CDH18: variants seen among roughly 807,000 people sequenced by gnomAD.
The protein encoded by CDH18 is cadherin-18.
CDH18 carries 31 observed loss-of-function variants against 67.9 expected under a neutral mutation model. That is an observed-to-expected ratio of 0.46 (90% CI 0.34 to 0.62). CDH18 has a LOEUF of 0.62. CDH18 is among the 20% of genes least tolerant of loss of function. The pLI, the probability that CDH18 is intolerant of heterozygous loss-of-function variation, is 0.01. For synonymous variants in CDH18, 362 were observed against 347.2 expected, an observed-to-expected ratio of 1.04 and a Z score of -0.48; for missense variants, 890 against 975.5, an observed-to-expected ratio of 0.91 and a Z score of 1.17.
intron 5 of CDH18, among the ~76,000 whole-genome samples, chr5:19,630,932 A>C (rs2150179848): frequency 6.6e-6 from 1 of 152,222 alleles, no homozygotes; most frequent in Middle Eastern, 3.4e-3. Flanking sequence ...GCATTGATTT[A>C]GTTATATAGA....
intron 2 of CDH18, among the ~76,000 whole-genome samples, chr5:20,003,192 C>T (rs1314469380): frequency 6.6e-6 from 1 of 151,996 alleles, no homozygotes; most frequent in Non-Finnish European, 1.5e-5. Flanking sequence ...AATGCTTTGG[C>T]CCAGTTTAGA....
intron 2 of CDH18, among the ~76,000 whole-genome samples, chr5:20,251,541 T>A (rs1324873040): frequency 3.3e-5 from 5 of 152,242 alleles, no homozygotes; most frequent in Admixed American, 6.5e-5. Context: ...AATAGGGATA[T>A]GTTCTGAGCC....
intron 9 of CDH18, among the ~76,000 whole-genome samples, chr5:19,521,919 T>G (rs1746963860): frequency 6.6e-6 from 1 of 152,042 alleles, no homozygotes; most frequent in Admixed American, 6.6e-5. Context: ...ATTTATTTAT[T>G]TATTTTGCTT....
intron 9 of CDH18, among the ~76,000 whole-genome samples, chr5:19,522,396 A>T (rs1747042790): frequency 6.6e-6 from 1 of 152,154 alleles, no homozygotes; most frequent in South Asian, 2.1e-4. Flanking sequence ...AATTTCATTA[A>T]AAAAGATATA....
intron 1 of CDH18, among the ~76,000 whole-genome samples, chr5:20,286,448 A>T (rs1260934260): frequency 6.6e-6 from 1 of 151,672 alleles, no homozygotes; most frequent in Non-Finnish European, 1.5e-5. Context: ...AATTTAAATT[A>T]CCATCATGCA....
At chr5:20,235,950 A>G (rs545486649) in intron 2 of CDH18, among the ~76,000 whole-genome samples, 3 of 152,306 alleles carry the variant, frequency 2.0e-5, no homozygotes, top group Non-Finnish European at 1.5e-5. Flanking sequence ...CCTTCACAGC[A>G]ACATGGATGC....
chr5:19,702,749 C>T (rs539513095), intron 5 of CDH18, among the ~76,000 whole-genome samples: 2 of 151,974 alleles, frequency 1.3e-5, no homozygotes, highest in Non-Finnish European at 2.9e-5. Flanking sequence ...CATAAGCAGG[C>T]CCCAAAACTG....
chr5:20,109,138 G>C (rs1747236935), intron 2 of CDH18, among the ~76,000 whole-genome samples: 1 of 152,072 alleles, frequency 6.6e-6, no homozygotes, highest in African/African-American at 2.4e-5. Context: ...CATTTAGTTG[G>C]AATAAACAAT....
chr5:20,357,631 G>A (rs1741740395), intron 1 of CDH18, among the ~76,000 whole-genome samples: 1 of 152,064 alleles, frequency 6.6e-6, no homozygotes, highest in African/African-American at 2.4e-5. Flanking sequence ...AAGTCAGAAT[G>A]GCTTTTGATA....
At chr5:19,771,433 T>A (rs1451680812) in intron 3 of CDH18, among the ~76,000 whole-genome samples, 1 of 152,212 alleles carries the variant, frequency 6.6e-6, no homozygotes, top group Non-Finnish European at 1.5e-5. Flanking sequence ...AGAAAACTGA[T>A]GACTCCAGTC....
In CDH18 at chr5:20,241,905, T is replaced by TATATATATAA. The variant is rs369967608; in HGVS notation, c.-518+13538_-518+13539insTTATATATAT. Reference sequence around the variant, plus strand: ...ATATATATATATGTATATATATATATATATTGCTTAGTCAGAGGCACTGTG... The same window carrying TATATATATAA: ...ATATATATATATGTATATATATATATATATATATAAATATTGCTTAGTCAGAGGCACTGTG... On this transcript the variant is annotated intron_variant, in intron 2 of 14. Transcript: ENST00000507958. Among the ~76,000 whole-genome samples the TATATATATAA allele has an allele frequency of 9.1e-3, 1,290 of 141,458 alleles. 35 individuals are homozygous for TATATATATAA. The highest frequency in any genetic ancestry group is 0.034 in the African/African-American group (1,219 of 35,948). The allele number at this position is 141,458 out of a possible 152,430, so 92.8% of individuals were successfully genotyped here.
At chr5:19,794,894 T>G (rs1259681785) in intron 3 of CDH18, among the ~76,000 whole-genome samples, 1 of 151,962 alleles carries the variant, frequency 6.6e-6, no homozygotes, top group Non-Finnish European at 1.5e-5. Flanking sequence ...AAGGGACAAA[T>G]GTAAGTGATT....
At chr5:19,557,334 G>A (rs1738618210) in intron 8 of CDH18, among the ~76,000 whole-genome samples, 1 of 151,998 alleles carries the variant, frequency 6.6e-6, no homozygotes, top group Non-Finnish European at 1.5e-5. Context: ...GCACTTAAAA[G>A]ATACAGAATG....
intron 2 of CDH18, among the ~76,000 whole-genome samples, chr5:20,157,469 G>T: frequency 6.6e-6 from 1 of 152,090 alleles, no homozygotes; most frequent in African/African-American, 2.4e-5. Flanking sequence ...TATTTGTATA[G>T]ATTTATGGGG....
At chr5:20,465,208 G>A (rs11956407) in intron 1 of CDH18, among the ~76,000 whole-genome samples, 76,140 of 151,702 alleles carry the variant, frequency 0.5, 19,418 homozygotes, top group Non-Finnish European at 0.53. Context: ...TTAAGAGTAA[G>A]CAATGAAGAG....
chr5:20,430,481 C>T (rs527369158), intron 1 of CDH18, among the ~76,000 whole-genome samples: 1 of 152,012 alleles, frequency 6.6e-6, no homozygotes, highest in South Asian at 2.1e-4. Context: ...ATCAGTGGAG[C>T]ATCATGCTAT....
At position 20,232,252 on chromosome 5, in the gene CDH18, T is replaced by C. The variant is rs977596854; in HGVS notation, c.-518+23192A>G. On this transcript the variant is annotated intron_variant, in intron 2 of 14. Coordinates refer to the CDH18 transcript ENST00000507958. Reference sequence around the variant, plus strand: ...GAAGAAGGCAGTTTGTGGATTGAATTTGATAATTTTTCATGCTGTCACAAA... The same window carrying C: ...GAAGAAGGCAGTTTGTGGATTGAATCTGATAATTTTTCATGCTGTCACAAA... Among the ~76,000 whole-genome samples, 10 of 152,208 alleles carry C rather than the reference T, an allele frequency of 6.6e-5. No individual in the cohort carries two copies. In the East Asian group the frequency reaches 1.5e-3, roughly 24 times the overall value.
chr5:19,982,273 A>G (rs1229199187), intron 1 of CDH18, among the ~76,000 whole-genome samples: 6 of 152,146 alleles, frequency 3.9e-5, no homozygotes, highest in Non-Finnish European at 5.9e-5. Context: ...TACAACCAAA[A>G]TAGATTTTCA....
intron 2 of CDH18, among the ~76,000 whole-genome samples, chr5:20,083,570 CT>C (rs1408793378): frequency 6.6e-6 from 1 of 152,168 alleles, no homozygotes; most frequent in Non-Finnish European, 1.5e-5. Flanking sequence ...GTCCTTCCTT[CT>C]CCTCAGGCCC....
Sources: gnomAD v4.1 joint callset for allele counts (sites outside exome capture counted in the v4.1 genomes callset) on GRCh38, gnomAD v4.1.1 for gene constraint, MANE v1.5 for transcripts, NCBI Gene and HGNC (gene_info 2026-07-23, HGNC 2026-07-21) for gene names.